DPY19L2: variants seen among roughly 807,000 people sequenced by gnomAD.
The protein encoded by DPY19L2 is probable C-mannosyltransferase DPY19L2.
A neutral mutation model predicts 97.9 loss-of-function variants in DPY19L2; 34 were observed. The ratio of observed to expected loss-of-function variants is 0.35; its 90% CI spans 0.26 to 0.46. The LOEUF (loss-of-function observed/expected upper bound fraction) is 0.46, where lower values mean the gene tolerates loss of function less well. DPY19L2 is among the 20% of genes least tolerant of loss of function. The pLI is 1.00. For synonymous variants in DPY19L2, 230 were observed against 307.9 expected, an observed-to-expected ratio of 0.75 and a Z score of 2.65; for missense variants, 623 against 911.4, an observed-to-expected ratio of 0.68 and a Z score of 4.07.
At chr12:63,586,537 A>G (rs1485802792) in intron 16 of DPY19L2, among the ~76,000 whole-genome samples, 2 of 152,214 alleles carry the variant, frequency 1.3e-5, no homozygotes, top group Non-Finnish European at 2.9e-5. Context: ...CTCTAGGTAC[A>G]GAGCCTGAGT....
At chr12:63,582,964 A>C (rs1881201084) in intron 17 of DPY19L2, among the ~76,000 whole-genome samples, 5 of 152,072 alleles carry the variant, frequency 3.3e-5, no homozygotes. Context: ...CCTGATCCAA[A>C]AATCTGAAAT....
Position 63,560,283 on chromosome 12 carries a change from G to A in DPY19L2, c.*229C>T, listed in dbSNP as rs1301067746. 1 of 401,356 alleles carries A rather than the reference G, an allele frequency of 2.5e-6. No homozygotes were observed. The highest frequency in any genetic ancestry group is 4.4e-6 in the Non-Finnish European group (1 of 229,302). 24.9% of individuals were successfully genotyped at this position (401,356 alleles called of 1,614,324 possible). Reference sequence around the variant, plus strand: ...TCTGAAATGAACATTTGTTTATGCAGTATGACATGAATGATTTAATAACTT... The same window carrying A: ...TCTGAAATGAACATTTGTTTATGCAATATGACATGAATGATTTAATAACTT... On this transcript the variant is annotated 3_prime_UTR_variant, in exon 22 of 22. Coordinates refer to ENST00000324472, the MANE Select transcript of DPY19L2 (RefSeq NM_173812.5).
intron 11 of DPY19L2, among the ~76,000 whole-genome samples, chr12:63,616,044 T>C (rs1254400594): frequency 1.3e-5 from 2 of 152,134 alleles, no homozygotes; most frequent in Non-Finnish European, 2.9e-5. Context: ...CTAGAGATGA[T>C]TTAAAGTATA....
At chr12:63,648,282 G>T (rs1255959786) in intron 4 of DPY19L2, among the ~76,000 whole-genome samples, 2 of 151,984 alleles carry the variant, frequency 1.3e-5, no homozygotes, top group African/African-American at 4.8e-5. Context: ...AAATTACCTA[G>T]TCTCAGATAC....
At chr12:63,603,052 GATGGCAGCAGC>G (rs895754245) in intron 12 of DPY19L2, among the ~76,000 whole-genome samples, 42 of 152,240 alleles carry the variant, frequency 2.8e-4, no homozygotes, top group African/African-American at 9.6e-4. Flanking sequence ...AAAATAGAAT[GATGGCAGCAGC>G]ATGGCAGGCA....
chr12:63,614,834 C>T (rs1408231847), intron 11 of DPY19L2, among the ~76,000 whole-genome samples: 2 of 152,128 alleles, frequency 1.3e-5, no homozygotes, highest in Non-Finnish European at 2.9e-5. Context: ...TATTTCCTAG[C>T]TCTGCCCACT....
intron 8 of DPY19L2, among the ~76,000 whole-genome samples, chr12:63,622,002 ATAAATTC>A (rs1888767298): frequency 6.6e-6 from 1 of 152,170 alleles, no homozygotes; most frequent in Non-Finnish European, 1.5e-5. Context: ...TCTTCCTTTT[ATAAATTC>A]TGTATTGGAT....
At position 63,661,492 on chromosome 12, in the gene DPY19L2, A is replaced by G; in HGVS notation, c.451-11T>C. The stretch of plus-strand genomic sequence containing the variant: ...TGAATAATAAAGTCCCTTTTTTTAA[A>G]AAAAGACATATATTGTCAATGTAAT... On this transcript the variant is annotated splice_polypyrimidine_tract_variant and intron_variant, in intron 3 of 21. Coordinates refer to ENST00000324472, the MANE Select transcript of DPY19L2 (RefSeq NM_173812.5). 1 of 1,534,938 alleles carries G rather than the reference A, an allele frequency of 6.5e-7. No individual in the cohort carries two copies. The highest frequency in any genetic ancestry group is 2.3e-5 in the Admixed American group (1 of 43,538).
intron 19 of DPY19L2, among the ~76,000 whole-genome samples, chr12:63,572,022 G>A (rs1372995198): frequency 6.8e-6 from 1 of 147,784 alleles, no homozygotes; most frequent in Admixed American, 6.7e-5. Context: ...AACACCAAAT[G>A]TGATAATGAT....
At position 63,583,793 on chromosome 12, in the gene DPY19L2, A is replaced by T; in HGVS notation, c.1605+19T>A. The T allele has an allele frequency of 1.2e-6, 2 of 1,609,566 alleles. No homozygotes were observed. Among genetic ancestry groups the T allele is most frequent in the Non-Finnish European group, 1.7e-6 (2 of 1,177,208 alleles). On this transcript the variant is annotated intron_variant, in intron 17 of 21. Coordinates refer to ENST00000324472, the MANE Select transcript of DPY19L2 (RefSeq NM_173812.5). ...AATTTAATACACAAGTCTACCAGAG[A>T]TTAAAATGAAAGCTTTACCTCACTG...
intron 4 of DPY19L2, chr12:63,651,935 GA>G (rs1565842915): frequency 2.6e-6 from 1 of 380,956 alleles, no homozygotes. Flanking sequence ...CCCAGAAGTG[GA>G]ACTGAGGACC....
At chr12:63,641,281 A>T (rs1306380458) in intron 6 of DPY19L2, among the ~76,000 whole-genome samples, 2 of 152,128 alleles carry the variant, frequency 1.3e-5, no homozygotes, top group African/African-American at 4.8e-5. Flanking sequence ...TTTTCCCTCA[A>T]AATACTTTAA....
chr12:63,602,242 G>A (rs1453879630), intron 12 of DPY19L2, among the ~76,000 whole-genome samples: 2 of 151,654 alleles, frequency 1.3e-5, no homozygotes, highest in Admixed American at 1.3e-4. Flanking sequence ...ACATAGAAAG[G>A]GAATGGAAGA....
At chr12:63,616,676 G>A (rs1167890840) in intron 11 of DPY19L2, among the ~76,000 whole-genome samples, 1 of 152,114 alleles carries the variant, frequency 6.6e-6, no homozygotes, top group East Asian at 1.9e-4. Context: ...GTTCCCGTGA[G>A]GAGACTGCAC....
At chr12:63,648,484 T>G (rs1005550233) in intron 4 of DPY19L2, among the ~76,000 whole-genome samples, 9 of 151,776 alleles carry the variant, frequency 5.9e-5, no homozygotes, top group African/African-American at 2.2e-4. Flanking sequence ...TGGAGTGCAG[T>G]GGCATGATCT....
intron 19 of DPY19L2, among the ~76,000 whole-genome samples, chr12:63,574,129 G>A (rs1434029909): frequency 6.6e-6 from 1 of 151,974 alleles, no homozygotes; most frequent in Non-Finnish European, 1.5e-5. Context: ...TCAAGAGACA[G>A]TACAATAAGA....
chr12:63,581,874 G>A (rs1366056642), intron 18 of DPY19L2, among the ~76,000 whole-genome samples: 8 of 147,566 alleles, frequency 5.4e-5, no homozygotes, highest in African/African-American at 2.0e-4. Flanking sequence ...GATCTTGGCT[G>A]ACTGTAGCCT....
rs774953420 is a variant in DPY19L2 at position 63,597,870 on chromosome 12, T to C, written c.1400A>G (p.Tyr467Cys). 5.0e-6 allele frequency: 8 copies of C among 1,603,242 alleles called. No homozygotes were observed. The highest frequency in any genetic ancestry group is 1.1e-5 in the South Asian group (1 of 88,082). The change falls in exon 14 of 22, where the codon TAT becomes TGT. Residue 467 changes from tyrosine (Y) to cysteine (C), a missense_variant. This residue lies in a region of DPY19L2 where 294 missense variants were observed against 446.2 expected (regional missense o/e 0.66). Coordinates refer to ENST00000324472, the MANE Select transcript of DPY19L2 (RefSeq NM_173812.5). ...SDLIAARILR[Y>C]TDFDTLIYTC... Reference sequence around the variant, plus strand: ...ATATATTAAAGTATCAAAATCTGTATACCTTAAGATTCTGGCTGCTATAAG... The same window carrying C: ...ATATATTAAAGTATCAAAATCTGTACACCTTAAGATTCTGGCTGCTATAAG...
intron 13 of DPY19L2, among the ~76,000 whole-genome samples, chr12:63,598,431 T>C (rs1332903273): frequency 6.6e-6 from 1 of 152,146 alleles, no homozygotes; most frequent in Non-Finnish European, 1.5e-5. Flanking sequence ...ACAATAATTA[T>C]ACATACGACT....
Sources: allele counts gnomAD v4.1 joint callset (sites outside exome capture counted in the v4.1 genomes callset), GRCh38; gene constraint gnomAD v4.1.1; regional missense constraint gnomAD v4.1.1; transcripts MANE v1.5; gene names NCBI Gene and HGNC (gene_info 2026-07-23, HGNC 2026-07-21).